The following GOLGA1 variants were observed in gnomAD, a reference collection of about 807,000 sequenced individuals.
The protein encoded by GOLGA1 is golgin subfamily A member 1.
In GOLGA1, 63 loss-of-function variants were observed where a neutral mutation model predicts 119.7. That is an observed-to-expected ratio of 0.53 (90% confidence interval 0.43 to 0.65). The LOEUF is 0.65. Among genes scored for constraint, GOLGA1 ranks in the 30% least tolerant of loss-of-function variants. The probability of loss-of-function intolerance (pLI) is 0.00; values close to 1 mark genes in which losing one functional copy is unlikely to be tolerated. For missense variants in GOLGA1, 798 were observed against 912.8 expected (o/e 0.87, Z 1.62); for synonymous variants, 318 against 333.4 (o/e 0.95, Z 0.50).
chr9:124,902,930 G>C (rs1176357825), intron 12 of GOLGA1, among the ~76,000 whole-genome samples: 10 of 152,174 alleles, frequency 6.6e-5, no homozygotes, highest in African/African-American at 2.2e-4. Context: ...AATTTTATTG[G>C]TGGTAGCGCC....
In GOLGA1 at chr9:124,940,157, T is replaced by G. The variant is rs922934514; in HGVS notation, c.-205-2A>C. ...GCTTGGAGGTCAAAGCATTCTGTCC[T>G]GCATGAAGACAAAGATAAAATGCAT... On this transcript the variant is annotated splice_acceptor_variant, in intron 1 of 22. Coordinates refer to ENST00000373555, the MANE Select transcript of GOLGA1 (RefSeq NM_002077.4). LOFTEE classifies it low-confidence loss of function (5UTR_SPLICE). The G allele has an allele frequency of 2.6e-5, 4 of 152,172 alleles. No homozygotes were observed. The highest frequency in any genetic ancestry group is 9.7e-5 in the African/African-American group (4 of 41,424). 9.4% of individuals were successfully genotyped at this position (152,172 alleles called of 1,614,324 possible). A position where few individuals can be genotyped will look rare whatever the true frequency, so the allele number is the denominator to read the frequency against.
At chr9:124,907,387 AG>A (rs1830255582) in intron 12 of GOLGA1, among the ~76,000 whole-genome samples, 7 of 152,324 alleles carry the variant, frequency 4.6e-5, no homozygotes, top group African/African-American at 1.7e-4. Context: ...TAAAGTTAAT[AG>A]GGAAAAAACA....
Position 124,888,390 on chromosome 9 carries a change from A to G in GOLGA1, c.1768T>C (p.Ser590Pro). The G allele has an allele frequency of 3.1e-6, 5 of 1,614,012 alleles. No homozygotes were observed. Among genetic ancestry groups the G allele is most frequent in the Non-Finnish European group, 4.2e-6 (5 of 1,179,898 alleles). ...AACACAGGGTCCTGCATGGCCCTCG[A>G]GGTCACCTACAAGGTGGCAGCAGCA... Reference protein sequence around the residue: ...ALSVNESHVTSRAMQDPVFQL... With the variant: ...ALSVNESHVTPRAMQDPVFQL... Residue 590 changes from serine (S) to proline (P), a missense_variant, in exon 19 of 23, where the codon TCG becomes CCG. Physicochemically the swap from Ser to Pro is moderately conservative, Grantham distance 74. Coordinates refer to ENST00000373555, the MANE Select transcript of GOLGA1 (RefSeq NM_002077.4). The surrounding 1 kb of genome is among the most constrained non-coding windows in gnomAD (Gnocchi z 4.4).
Position 124,889,263 on chromosome 9 carries a change from G to C in GOLGA1, c.1641C>G (p.Ala547=). Residue 547 remains alanine, a synonymous_variant, in exon 18 of 23, where the codon GCC becomes GCG. Coordinates refer to ENST00000373555, the MANE Select transcript of GOLGA1 (RefSeq NM_002077.4). ...SALLQIHQLQ[A]ELEALRTLKA... is the part of the protein sequence containing the mutation. ...TGAGGGTCCTCAGGGCCTCCAGCTC[G>C]GCCTGCAGCTGGTGTATCTGCAGCA... 6.2e-7 allele frequency: 1 copy of C among 1,613,848 alleles called. No homozygotes were observed. The highest frequency in any genetic ancestry group is 1.1e-5 in the South Asian group (1 of 91,058).
At chr9:124,917,766 T>C (rs927762865) in intron 10 of GOLGA1, among the ~76,000 whole-genome samples, 1 of 152,186 alleles carries the variant, frequency 6.6e-6, no homozygotes, top group African/African-American at 2.4e-5. Flanking sequence ...TTCTCTCCCA[T>C]CATCCCTTTC....
intron 12 of GOLGA1, among the ~76,000 whole-genome samples, chr9:124,906,843 G>A (rs1042562550): frequency 6.6e-6 from 1 of 152,092 alleles, no homozygotes; most frequent in Non-Finnish European, 1.5e-5. Flanking sequence ...GACATCTATT[G>A]AGAAAAATGT....
At chr9:124,885,578 T>C (rs1370330138) in intron 19 of GOLGA1, among the ~76,000 whole-genome samples, 1 of 130,650 alleles carries the variant, frequency 7.7e-6, no homozygotes, top group Non-Finnish European at 1.6e-5. Context: ...TGAGGGAGGG[T>C]GGGGTTCTGG....
chr9:124,887,833 G>C (rs527928827), intron 19 of GOLGA1, among the ~76,000 whole-genome samples: 17 of 152,170 alleles, frequency 1.1e-4, no homozygotes, highest in Non-Finnish European at 1.8e-4. Context: ...AAGTTTATAG[G>C]ACGGTTCACA....
upstream of GOLGA1, chr9:124,945,348 G>C (rs1233067459): frequency 3.3e-5 from 5 of 152,110 alleles, no homozygotes. Context: ...TTGAGGTCAG[G>C]AGTTCGAGAC....
Position 124,888,824 on chromosome 9 carries a change from C to T in GOLGA1, c.1761+319G>A, listed in dbSNP as rs567693260. On this transcript the variant is annotated intron_variant, in intron 18 of 22. Transcript: ENST00000373555. The surrounding 1 kb of genome is among the most constrained non-coding windows in gnomAD (Gnocchi z 4.4). ...ACATCATTCTCCTGCCTCAGCCTCCCGAGTAGCTGGGACTACAGGCACTCG... is the reference window on the plus strand; with the variant it reads ...ACATCATTCTCCTGCCTCAGCCTCCTGAGTAGCTGGGACTACAGGCACTCG... Among the ~76,000 whole-genome samples the T allele has an allele frequency of 3.3e-5, 5 of 152,290 alleles. No homozygotes were observed. Among genetic ancestry groups the T allele is most frequent in the East Asian group, 1.9e-4 (1 of 5,180 alleles).
rs146064045 is a variant in GOLGA1, at chr9:124,902,906, A to G, written c.1066-2359T>C. 2.0e-5 allele frequency among the ~76,000 whole-genome samples: 3 copies of G among 152,340 alleles called. No homozygotes were observed. The East Asian group carries it at 5.8e-4, about 29-fold the overall frequency. On this transcript the variant is annotated intron_variant, in intron 12 of 22. Coordinates refer to ENST00000373555, the MANE Select transcript of GOLGA1 (RefSeq NM_002077.4). ...CACGGAGAAGAACAGGATTGTTACTAGCTCATGACTGCAAATTTTATTGGT... is the reference window on the plus strand; with the variant it reads ...CACGGAGAAGAACAGGATTGTTACTGGCTCATGACTGCAAATTTTATTGGT...
intron 13 of GOLGA1, chr9:124,900,236 A>G (rs958299940): frequency 3.7e-5 from 15 of 407,424 alleles, no homozygotes; most frequent in South Asian, 7.4e-5. Flanking sequence ...GGTGGAAAGG[A>G]GCTGCTGGTG....
At chr9:124,886,949 C>T (rs757823000) in intron 19 of GOLGA1, among the ~76,000 whole-genome samples, 54 of 151,980 alleles carry the variant, frequency 3.6e-4, no homozygotes, top group Non-Finnish European at 6.5e-4. Flanking sequence ...TCCTGAGCTT[C>T]GAGGGGACCT....
intron 10 of GOLGA1, among the ~76,000 whole-genome samples, chr9:124,913,373 G>A (rs1313374816): frequency 6.6e-6 from 1 of 152,124 alleles, no homozygotes; most frequent in Admixed American, 6.6e-5. Context: ...TTCTTCCCCA[G>A]AAAAGGTTGT....
At chr9:124,895,487 C>G (rs892442985) in intron 15 of GOLGA1, among the ~76,000 whole-genome samples, 1 of 144,656 alleles carries the variant, frequency 6.9e-6, no homozygotes, top group Non-Finnish European at 1.5e-5. Context: ...AGACCCTCCA[C>G]AACAGAGAAC....
At chr9:124,905,149 AAAT>A (rs139311126) in intron 12 of GOLGA1, among the ~76,000 whole-genome samples, 49,444 of 148,018 alleles carry the variant, frequency 0.33, 8,963 homozygotes, top group Middle Eastern at 0.45. Flanking sequence ...CCATCTCAAA[AAAT>A]AATAATAATA....
At chr9:124,920,267 ACAC>A (rs1308281664) in intron 10 of GOLGA1, among the ~76,000 whole-genome samples, 1 of 150,066 alleles carries the variant, frequency 6.7e-6, no homozygotes, top group African/African-American at 2.4e-5. Flanking sequence ...CTACAGGTGC[ACAC>A]CACCACAACT....
chr9:124,937,081 A>G (rs538435267), intron 3 of GOLGA1, among the ~76,000 whole-genome samples: 26 of 152,218 alleles, frequency 1.7e-4, no homozygotes, highest in African/African-American at 6.3e-4. Flanking sequence ...TGAGTGATAG[A>G]TTTACTTTAT....
chr9:124,912,849 C>T (rs1446565471), intron 10 of GOLGA1, among the ~76,000 whole-genome samples: 1 of 152,056 alleles, frequency 6.6e-6, no homozygotes, highest in East Asian at 1.9e-4. Context: ...GCCAGTCTAT[C>T]TCTTTAGCTA....
Sources: allele counts gnomAD v4.1 joint callset (sites outside exome capture counted in the v4.1 genomes callset), GRCh38; gene constraint gnomAD v4.1.1; non-coding constraint Gnocchi (gnomAD v3.1); transcripts MANE v1.5; gene names NCBI Gene and HGNC (gene_info 2026-07-23, HGNC 2026-07-21).